The following LAMA2 variants were observed in gnomAD, a reference collection of about 807,000 sequenced individuals.
The protein encoded by LAMA2 is laminin subunit alpha-2.
In LAMA2, 269 loss-of-function variants were observed where a neutral mutation model predicts 364.8. The observed-to-expected ratio is 0.74, with a 90% confidence interval of 0.67 to 0.82. LAMA2 has a LOEUF of 0.82. Ranked by LOEUF, LAMA2 falls within the 40% of genes least tolerant of loss-of-function variation. LAMA2 has a pLI of 0.00. For synonymous variants in LAMA2, 1,379 were observed against 1,370.6 expected (o/e 1.01, Z -0.14); for missense variants, 3,807 against 3,873.2 (o/e 0.98, Z 0.45).
At chr6:128,940,696 G>A (rs1331636001) in intron 1 of LAMA2, among the ~76,000 whole-genome samples, 1 of 152,172 alleles carries the variant, frequency 6.6e-6, no homozygotes, top group Non-Finnish European at 1.5e-5. Flanking sequence ...TCACACCTGT[G>A]ATCCCAGCAT....
At chr6:129,135,128 G>A (rs72990914) in intron 4 of LAMA2, among the ~76,000 whole-genome samples, 577 of 152,256 alleles carry the variant, frequency 3.8e-3, no homozygotes, top group Non-Finnish European at 6.3e-3. Flanking sequence ...ATGAAGAAAA[G>A]CCAAGATCTG....
chr6:129,038,487 A>C (rs79299405), intron 1 of LAMA2, among the ~76,000 whole-genome samples: 1 of 152,324 alleles, frequency 6.6e-6, no homozygotes, highest in African/African-American at 2.4e-5. Flanking sequence ...TGATGGGAAA[A>C]TTTGAAAACC....
At chr6:129,242,706 A>C (rs1785476203) in intron 12 of LAMA2, among the ~76,000 whole-genome samples, 1 of 152,140 alleles carries the variant, frequency 6.6e-6, no homozygotes, top group African/African-American at 2.4e-5. Context: ...TAGTAAATGG[A>C]AAACAAACAG....
intron 1 of LAMA2, among the ~76,000 whole-genome samples, chr6:128,972,580 C>A (rs1782253120): frequency 1.3e-5 from 2 of 152,118 alleles, no homozygotes; most frequent in Non-Finnish European, 2.9e-5. Context: ...ATGGTTGAAT[C>A]TTTTCTGGGG....
intron 58 of LAMA2, among the ~76,000 whole-genome samples, chr6:129,495,924 CT>C (rs1785156377): frequency 6.6e-6 from 1 of 151,856 alleles, no homozygotes; most frequent in African/African-American, 2.4e-5. Context: ...GAGCATTCCA[CT>C]TAGTAGATGA....
In LAMA2 at chr6:129,366,328, G is replaced by A. The variant is rs1777774590; in HGVS notation, c.4827G>A (p.Leu1609=). ...TGPLPAPYKM[L]YGLENMTQEL... Reference sequence around the variant, plus strand: ...CGCTGCCTGCGCCATATAAAATGCTGTATGGTCTTGAAAATATGACTCAGG... The same window carrying A: ...CGCTGCCTGCGCCATATAAAATGCTATATGGTCTTGAAAATATGACTCAGG... Residue 1609 remains leucine, a synonymous_variant, in exon 33 of 65, where the codon CTG becomes CTA. Coordinates refer to ENST00000421865, the MANE Select transcript of LAMA2 (RefSeq NM_000426.4). The A allele has an allele frequency of 1.9e-6, 3 of 1,613,872 alleles. No individual in the cohort carries two copies. Among genetic ancestry groups the A allele is most frequent in the Non-Finnish European group, 2.5e-6 (3 of 1,179,976 alleles).
At chr6:129,300,694 C>A in intron 21 of LAMA2, 42 bp from the exon 22 acceptor site, 1 of 1,607,620 alleles carries the variant, frequency 6.2e-7, no homozygotes. Context: ...CAAATTTTTA[C>A]TATTTTTCCC....
intron 28 of LAMA2, among the ~76,000 whole-genome samples, chr6:129,325,114 T>G (rs550855023): frequency 1.3e-5 from 2 of 152,214 alleles, no homozygotes; most frequent in African/African-American, 4.8e-5. Context: ...CTCTACAGTC[T>G]GCTTCATTCT....
At chr6:129,485,357 T>C (rs1784540231) in intron 55 of LAMA2, among the ~76,000 whole-genome samples, 1 of 152,202 alleles carries the variant, frequency 6.6e-6, no homozygotes, top group Non-Finnish European at 1.5e-5. Flanking sequence ...CTATGTAGTA[T>C]AGTATAAAGT....
rs11321173 is a variant in LAMA2, at chr6:129,056,897, ATT to A, written c.284-2873_284-2872del. On this transcript the variant is annotated intron_variant, in intron 2 of 64. Coordinates refer to ENST00000421865, the MANE Select transcript of LAMA2 (RefSeq NM_000426.4). ...AGGCACCCGCCACCATGCCTGTGCT[ATT>A]TTTTTTTTTTTTTCATAGAGATGGG... 6.9e-3 allele frequency among the ~76,000 whole-genome samples: 969 copies of A among 141,242 alleles called. 1 individual carries two copies. The highest frequency in any genetic ancestry group is 0.018 in the Middle Eastern group (5 of 272). The allele number at this position is 141,242 out of a possible 152,430, so 92.7% of individuals were successfully genotyped here.
intron 1 of LAMA2, among the ~76,000 whole-genome samples, chr6:129,025,178 A>G (rs146435465): frequency 1.3e-5 from 2 of 152,310 alleles, no homozygotes; most frequent in African/African-American, 4.8e-5. Context: ...TTGAGGTTTT[A>G]TAAAATGTAA....
chr6:129,249,315 G>A (rs1433304509), intron 12 of LAMA2, among the ~76,000 whole-genome samples: 6 of 152,114 alleles, frequency 3.9e-5, no homozygotes, highest in Admixed American at 3.3e-4. Context: ...AAGGATTGCA[G>A]CATTTGCATT....
At chr6:129,177,340 C>T (rs545863435) in intron 9 of LAMA2, among the ~76,000 whole-genome samples, 1 of 152,274 alleles carries the variant, frequency 6.6e-6, no homozygotes, top group Admixed American at 6.5e-5. Context: ...TTCCGTGAGC[C>T]ACTAGTTTTG....
intron 14 of LAMA2, among the ~76,000 whole-genome samples, chr6:129,255,824 G>C (rs914435627): frequency 3.9e-5 from 6 of 152,012 alleles, no homozygotes; most frequent in African/African-American, 1.2e-4. Flanking sequence ...TAATGATTTG[G>C]GTAACTACAT....
At chr6:128,976,247 A>G (rs1209266904) in intron 1 of LAMA2, among the ~76,000 whole-genome samples, 1 of 152,172 alleles carries the variant, frequency 6.6e-6, no homozygotes, top group Non-Finnish European at 1.5e-5. Context: ...GATTTGGTTA[A>G]AGGAAGCAGA....
At chr6:128,895,070 A>C (rs4617014) in intron 1 of LAMA2, among the ~76,000 whole-genome samples, 1 of 152,108 alleles carries the variant, frequency 6.6e-6, no homozygotes, top group Non-Finnish European at 1.5e-5. Context: ...TAAATTTTGC[A>C]ATCAGAAAAA....
chr6:129,346,041 A>T (rs565139104), intron 30 of LAMA2, among the ~76,000 whole-genome samples: 7 of 152,292 alleles, frequency 4.6e-5, no homozygotes, highest in Non-Finnish European at 2.9e-5. Flanking sequence ...ATGATGAGTG[A>T]TTACTGACTC....
At chr6:129,250,903 C>T (rs1450492534) in intron 13 of LAMA2, among the ~76,000 whole-genome samples, 1 of 151,938 alleles carries the variant, frequency 6.6e-6, no homozygotes, top group Non-Finnish European at 1.5e-5. Flanking sequence ...TGTTTCCTGT[C>T]TTGAAACTTT....
intron 41 of LAMA2, among the ~76,000 whole-genome samples, chr6:129,433,033 A>G (rs983285173): frequency 5.3e-5 from 8 of 152,206 alleles, no homozygotes; most frequent in African/African-American, 1.9e-4. Context: ...TGAGGTTCCC[A>G]TATGTGGTCA....
Sources: allele counts gnomAD v4.1 joint callset (sites outside exome capture counted in the v4.1 genomes callset), GRCh38; gene constraint gnomAD v4.1.1; transcripts MANE v1.5; gene names NCBI Gene and HGNC (gene_info 2026-07-23, HGNC 2026-07-21).